TVP23C: variants seen among roughly 807,000 people sequenced by gnomAD.
TVP23C encodes Golgi apparatus membrane protein TVP23 homolog C.
TVP23C carries 19 observed loss-of-function variants against 28.7 expected under a neutral mutation model. The observed-to-expected ratio is 0.66, with a 90% CI of 0.46 to 0.97. The LOEUF (loss-of-function observed/expected upper bound fraction) is 0.97. Ranked by LOEUF, TVP23C falls within the 50% of genes least tolerant of loss-of-function variation. The probability of loss-of-function intolerance (pLI) is 0.00; values close to 1 mark genes in which losing one functional copy is unlikely to be tolerated. For missense variants in TVP23C, 186 were observed against 241.3 expected (o/e 0.77, Z 1.52); for synonymous variants, 68 against 81.7 (o/e 0.83, Z 0.90).
Position 15,547,123 on chromosome 17 carries a change from C to T in TVP23C, c.266G>A (p.Gly89Asp). ...VKNVTGRLMV[G>D]LRWWNHIDED... The stretch of plus-strand genomic sequence containing the variant: ...ATCAATGTGATTCCACCAACGTAGG[C>T]CAACCATTAGTCTACCTGTGACATT... Residue 89 changes from glycine to aspartate, a missense_variant, in exon 4 of 6, where the codon GGC becomes GAC. Transcript: ENST00000518321. The T allele has an allele frequency of 6.8e-6, 11 of 1,610,196 alleles. No homozygotes were observed. The highest frequency in any genetic ancestry group is 1.3e-5 in the African/African-American group (1 of 74,660).
Position 15,524,063 on chromosome 17 carries a change from G to GGTGTGT in TVP23C, c.463-20837_463-20832dup, listed in dbSNP as rs10578424. ...GTTTGTTGTGGTTGTAGCAGAGTGG[G>GGTGTGT]GTGTGTGTGTGTGTGTGTGTGTGTG... is the stretch of plus-strand genomic sequence containing the variant. On this transcript the variant is annotated intron_variant, in intron 5 of 5. Coordinates refer to the TVP23C transcript ENST00000225576. Among the ~76,000 whole-genome samples, 1,255 of 136,334 alleles carry GGTGTGT rather than the reference G, an allele frequency of 9.2e-3. 11 individuals carry two copies. The highest frequency in any genetic ancestry group is 0.018 in the Middle Eastern group (5 of 272). 89.4% of individuals were successfully genotyped at this position (136,334 alleles called of 152,430 possible). A position where few individuals can be genotyped will look rare whatever the true frequency, so the allele number is the denominator to read the frequency against.
intron 5 of TVP23C, among the ~76,000 whole-genome samples, chr17:15,511,567 C>A (rs1157643276): frequency 6.6e-6 from 1 of 152,140 alleles, no homozygotes; most frequent in Non-Finnish European, 1.5e-5. Flanking sequence ...TAGGTTTCTG[C>A]ATGGTTAAGA....
chr17:15,507,049 T>C (rs35469661), intron 5 of TVP23C: 124,570 of 1,278,286 alleles, frequency 0.097, 7,779 homozygotes, highest in South Asian at 0.22. Context: ...AGAGTTTATG[T>C]GTCAGGGCGG....
downstream of TVP23C, among the ~76,000 whole-genome samples, chr17:15,536,221 G>C (rs565558024): frequency 3.5e-3 from 528 of 152,100 alleles, 1 homozygote; most frequent in Non-Finnish European, 5.7e-3. Context: ...AGTAGTTCAG[G>C]GCTACTATAC....
At chr17:15,561,003 C>T (rs1256281384) in intron 1 of TVP23C, among the ~76,000 whole-genome samples, 1 of 151,938 alleles carries the variant, frequency 6.6e-6, no homozygotes, top group African/African-American at 2.4e-5. Context: ...GAAACCAGGA[C>T]ACAGTAGACA....
In TVP23C at chr17:15,538,263, T is replaced by C. The variant is rs192809995; in HGVS notation, c.*2149A>G. ...CATTCTATATTTCTAAGCAGAGCAT[T>C]ACCTTACATACAATGGCCCAATCAC... On this transcript the variant is annotated 3_prime_UTR_variant, in exon 6 of 6. Transcript: ENST00000518321. 2.6e-4 allele frequency: 407 copies of C among 1,548,378 alleles called. No individual in the cohort carries two copies. The African/African-American group carries it at 5.3e-3, about 20-fold the overall frequency.
intron 5 of TVP23C, among the ~76,000 whole-genome samples, chr17:15,509,381 G>A (rs1214362422): frequency 2.0e-5 from 3 of 152,238 alleles, no homozygotes; most frequent in Non-Finnish European, 4.4e-5. Flanking sequence ...TGGAGCAGCT[G>A]CTGGCTACAA....
At chr17:15,545,759 T>A in intron 5 of TVP23C, 26 bp downstream of exon 5, 1 of 1,597,710 alleles carries the variant, frequency 6.3e-7, no homozygotes, top group Non-Finnish European at 8.5e-7. Flanking sequence ...TAATGGATTA[T>A]TTGAAAGTTC....
chr17:15,524,335 T>G (rs187673325), intron 5 of TVP23C, among the ~76,000 whole-genome samples: 276 of 152,294 alleles, frequency 1.8e-3, no homozygotes, highest in African/African-American at 6.3e-3. Context: ...CCTGTTTGAT[T>G]AAACAGCCAT....
In TVP23C at chr17:15,538,534, G is replaced by C; in HGVS notation, c.*1878C>G. 1 of 889,016 alleles carries C rather than the reference G, an allele frequency of 1.1e-6. No homozygotes were observed. The highest frequency in any genetic ancestry group is 1.3e-6 in the Non-Finnish European group (1 of 741,960). 55.1% of individuals were successfully genotyped at this position (889,016 alleles called of 1,614,324 possible). On this transcript the variant is annotated 3_prime_UTR_variant, in exon 6 of 6. Coordinates refer to ENST00000518321, the MANE Select transcript of TVP23C (RefSeq NM_001135036.2). Reference sequence around the variant, plus strand: ...GAACCCGGGAGGTGGAGTTTGCAGTGAGCCGAGATCGCGCCACTGCACTCC... The same window carrying C: ...GAACCCGGGAGGTGGAGTTTGCAGTCAGCCGAGATCGCGCCACTGCACTCC...
chr17:15,531,249 T>C (rs1982940120), intron 5 of TVP23C, among the ~76,000 whole-genome samples: 3 of 152,320 alleles, frequency 2.0e-5, no homozygotes, highest in Admixed American at 2.0e-4. Context: ...GTCTCTGGCT[T>C]TTGACAGCTT....
intron 5 of TVP23C, among the ~76,000 whole-genome samples, chr17:15,508,123 A>G (rs532942164): frequency 1.3e-5 from 2 of 152,314 alleles, no homozygotes; most frequent in South Asian, 4.1e-4. Context: ...ATCAACCCAG[A>G]GGCCAAGCTG....
At chr17:15,517,095 A>T (rs1394388839) in intron 5 of TVP23C, among the ~76,000 whole-genome samples, 2 of 152,248 alleles carry the variant, frequency 1.3e-5, no homozygotes, top group Non-Finnish European at 2.9e-5. Flanking sequence ...ATTTACCCAC[A>T]GAGATTCCTG....
rs1984201517 is a variant in TVP23C at position 15,557,792 on chromosome 17, GAGA to G, written c.13-2431_13-2429del. 2.1e-5 allele frequency among the ~76,000 whole-genome samples: 3 copies of G among 141,196 alleles called. No homozygotes were observed. The East Asian group carries it at 6.1e-4, about 29-fold the overall frequency. The allele number at this position is 141,196 out of a possible 152,430, so 92.6% of individuals were successfully genotyped here. On this transcript the variant is annotated intron_variant, in intron 1 of 5. Coordinates refer to ENST00000518321, the MANE Select transcript of TVP23C (RefSeq NM_001135036.2). ...AAATCATTCCTACTACAGGGCACTG[GAGA>G]AGCTTTCTGGAGGAGAGTTTGTCAG...
At position 15,539,079 on chromosome 17, in the gene TVP23C, T is replaced by C. The variant is rs1321887138; in HGVS notation, c.*1333A>G. The C allele has an allele frequency of 1.0e-6, 1 of 983,430 alleles. No individual in the cohort carries two copies. Among genetic ancestry groups the C allele is most frequent in the Non-Finnish European group, 1.2e-6 (1 of 828,244 alleles). The allele number at this position is 983,430 out of a possible 1,614,324, so 60.9% of individuals were successfully genotyped here. On this transcript the variant is annotated 3_prime_UTR_variant, in exon 6 of 6. Transcript: ENST00000518321. ...ATTTAATTTCTCGGGGCTTTAGTTA[T>C]CTAAAATGTAATCCCTGGACCAGTG...
Position 15,538,002 on chromosome 17 carries a change from A to G in TVP23C, c.*2410T>C. 2 of 1,509,732 alleles carry G rather than the reference A, an allele frequency of 1.3e-6. No individual in the cohort carries two copies. 93.5% of individuals were successfully genotyped at this position (1,509,732 alleles called of 1,614,324 possible). On this transcript the variant is annotated 3_prime_UTR_variant, in exon 6 of 6. Coordinates refer to ENST00000518321, the MANE Select transcript of TVP23C (RefSeq NM_001135036.2). ...AAAACTACTTTTCCTTTTTATAAAT[A>G]AAGTTTTTAAGTGGAAAAACAAAGC... is the stretch of plus-strand genomic sequence containing the variant.
At position 15,540,376 on chromosome 17, in the gene TVP23C, A is replaced by G; in HGVS notation, c.*36T>C. The G allele has an allele frequency of 6.5e-7, 1 of 1,537,712 alleles. No individual in the cohort carries two copies. Among genetic ancestry groups the G allele is most frequent in the Non-Finnish European group, 8.8e-7 (1 of 1,134,926 alleles). On this transcript the variant is annotated 3_prime_UTR_variant, in exon 6 of 6. Coordinates refer to ENST00000518321, the MANE Select transcript of TVP23C (RefSeq NM_001135036.2). ...TTCAGGAGCGTTTCATAAAAATTAAACTATGAAAGTTAGAAATAATTGCAT... is the reference window on the plus strand; with the variant it reads ...TTCAGGAGCGTTTCATAAAAATTAAGCTATGAAAGTTAGAAATAATTGCAT...
exon 6 of TVP23C, chr17:15,503,117 G>C (rs1356951152): frequency 6.2e-7 from 1 of 1,612,950 alleles, no homozygotes; most frequent in African/African-American, 1.3e-5. Flanking sequence ...CTTCCTCGAG[G>C]GATGGCCCGG....
chr17:15,502,774 C>G (rs1210196951), exon 6 of TVP23C: 49 of 1,441,406 alleles, frequency 3.4e-5, no homozygotes, highest in Non-Finnish European at 4.4e-5. Flanking sequence ...TTCTCCGTCA[C>G]TCTCTTCCCT....
Sources: allele counts gnomAD v4.1 joint callset (sites outside exome capture counted in the v4.1 genomes callset), GRCh38; gene constraint gnomAD v4.1.1; transcripts MANE v1.5; gene names NCBI Gene and HGNC (gene_info 2026-07-23, HGNC 2026-07-21).